The following KCNJ6 variants were observed in gnomAD, a reference collection of about 807,000 sequenced individuals.
The protein encoded by KCNJ6 is potassium inwardly rectifying channel subfamily J member 6.
Under a neutral mutation model 34.2 loss-of-function variants are expected in KCNJ6, and 9 were observed. The ratio of observed to expected loss-of-function variants is 0.26; its 90% CI spans 0.16 to 0.46. The LOEUF is 0.46. Ranked by LOEUF, KCNJ6 falls within the 20% of genes least tolerant of loss-of-function variation. KCNJ6 has a pLI of 1.00. For missense variants in KCNJ6, 236 were observed against 531.3 expected (o/e 0.44, Z 5.46); for synonymous variants, 196 against 207.1 (o/e 0.95, Z 0.46).
rs1238675804 is a variant in KCNJ6 at position 37,624,517 on chromosome 21, C to G, written c.*642G>C. ...TTATTTCTAAAGTTATATATCTAAA[C>G]CTACATTAATGATACATCTATGTAC... is the stretch of plus-strand genomic sequence containing the variant. On this transcript the variant is annotated 3_prime_UTR_variant, in exon 4 of 4. Coordinates refer to ENST00000609713, the MANE Select transcript of KCNJ6 (RefSeq NM_002240.5). 4 of 151,964 alleles carry G rather than the reference C, an allele frequency of 2.6e-5. No individual in the cohort carries two copies. The East Asian group carries it at 7.7e-4, about 29-fold the overall frequency. The allele number at this position is 151,964 out of a possible 1,614,324, so 9.4% of individuals were successfully genotyped here.
intron 1 of KCNJ6, among the ~76,000 whole-genome samples, chr21:37,890,214 C>T (rs776431953): frequency 3.2e-4 from 49 of 152,142 alleles, no homozygotes; most frequent in Non-Finnish European, 5.4e-4. Context: ...CTTCTTCACA[C>T]GGCAACAGGA....
At chr21:37,879,790 G>C (rs576682074) in intron 1 of KCNJ6, among the ~76,000 whole-genome samples, 92 of 151,310 alleles carry the variant, frequency 6.1e-4, no homozygotes, top group African/African-American at 2.2e-3. Context: ...AGAGAGACAT[G>C]CATGTCGGAT....
chr21:37,840,774 C>A (rs2055476452), intron 1 of KCNJ6, 65 bp from the exon 2 acceptor site: 1 of 843,146 alleles, frequency 1.2e-6, no homozygotes, highest in Non-Finnish European at 1.9e-6. Context: ...GATCTAATTG[C>A]CATTTACAGC....
At chr21:37,903,750 A>C (rs1601524526) in intron 1 of KCNJ6, among the ~76,000 whole-genome samples, 3 of 152,298 alleles carry the variant, frequency 2.0e-5, no homozygotes, top group African/African-American at 7.2e-5. Flanking sequence ...AAACAAAAAA[A>C]AACGAAGAAG....
chr21:37,788,513 A>G (rs2055202419), intron 2 of KCNJ6, among the ~76,000 whole-genome samples: 1 of 152,142 alleles, frequency 6.6e-6, no homozygotes, highest in African/African-American at 2.4e-5. Context: ...CATATTTATG[A>G]CCTGTGCAAT....
chr21:37,688,699 G>A (rs938919421), intron 3 of KCNJ6, among the ~76,000 whole-genome samples: 6 of 152,150 alleles, frequency 3.9e-5, no homozygotes, highest in African/African-American at 1.2e-4. Flanking sequence ...GGGGGAGAGG[G>A]GTGCAGATGC....
rs2054255244 is a variant in KCNJ6, at chr21:37,614,486, C to CTGTGTCTGCGTGTGTGTGTATGCATGTG, written c.*10672_*10673insCACATGCATACACACACACGCAGACACA. The CTGTGTCTGCGTGTGTGTGTATGCATGTG allele has an allele frequency of 1.0e-5, 1 of 99,030 alleles. No homozygotes were observed. Among genetic ancestry groups the CTGTGTCTGCGTGTGTGTGTATGCATGTG allele is most frequent in the South Asian group, 3.3e-4 (1 of 3,036 alleles). 6.1% of individuals were successfully genotyped at this position (99,030 alleles called of 1,614,324 possible). A position where few individuals can be genotyped will look rare whatever the true frequency, so the allele number is the denominator to read the frequency against. Reference sequence around the variant, plus strand: ...TCTGCGTGTGTGTGTATGCATGTGTCTGTGTGCGTGTATGCATGTGTCTCT... The same window carrying CTGTGTCTGCGTGTGTGTGTATGCATGTG: ...TCTGCGTGTGTGTGTATGCATGTGTCTGTGTCTGCGTGTGTGTGTATGCATGTGTGTGTGCGTGTATGCATGTGTCTCT... On this transcript the variant is annotated 3_prime_UTR_variant, in exon 4 of 4. Transcript: ENST00000609713.
chr21:37,817,394 G>T (rs974260064), intron 2 of KCNJ6, among the ~76,000 whole-genome samples: 2 of 152,106 alleles, frequency 1.3e-5, no homozygotes, highest in African/African-American at 4.8e-5. Flanking sequence ...GGTTAGAAAG[G>T]CCCCTGATGC....
At chr21:37,783,887 C>T (rs1208711085) in intron 2 of KCNJ6, among the ~76,000 whole-genome samples, 2 of 152,188 alleles carry the variant, frequency 1.3e-5, no homozygotes, top group Admixed American at 1.3e-4. Flanking sequence ...TGTGCACATG[C>T]ACCGAAGAAA....
intron 1 of KCNJ6, among the ~76,000 whole-genome samples, chr21:37,846,183 T>G (rs1344801095): frequency 6.6e-6 from 1 of 152,132 alleles, no homozygotes; most frequent in African/African-American, 2.4e-5. Context: ...CTTGTGGGGG[T>G]GTGTGTGTAA....
intron 2 of KCNJ6, among the ~76,000 whole-genome samples, chr21:37,768,815 C>T (rs1446297764): frequency 2.0e-5 from 3 of 152,162 alleles, no homozygotes; most frequent in Admixed American, 1.3e-4. Flanking sequence ...TCTCTTGGTG[C>T]AAGATGAAAT....
At chr21:37,644,389 AAGG>A (rs1209141553) in intron 3 of KCNJ6, among the ~76,000 whole-genome samples, 3 of 152,248 alleles carry the variant, frequency 2.0e-5, no homozygotes, top group East Asian at 3.8e-4. Context: ...AAGTTAAAAA[AAGG>A]AGAACTTTTA....
At position 37,793,363 on chromosome 21, in the gene KCNJ6, A is replaced by G. The variant is rs545811944; in HGVS notation, c.25+47295T>C. 2.0e-5 allele frequency among the ~76,000 whole-genome samples: 3 copies of G among 152,266 alleles called. No homozygotes were observed. The East Asian group carries it at 5.8e-4, about 29-fold the overall frequency. On this transcript the variant is annotated intron_variant, in intron 2 of 3. Transcript: ENST00000609713. ...CACCATGAGTCACCTCTCTCCCCCA[A>G]AACCCTTCAGCCTTCGGCTGAGATG...
At chr21:37,711,207 C>T (rs561618145) in intron 3 of KCNJ6, among the ~76,000 whole-genome samples, 11 of 152,350 alleles carry the variant, frequency 7.2e-5, no homozygotes, top group Admixed American at 2.0e-4. Context: ...GAGCACCACT[C>T]GCCTGCACCG....
intron 1 of KCNJ6, among the ~76,000 whole-genome samples, chr21:37,872,353 G>A (rs1005136447): frequency 6.6e-6 from 1 of 152,200 alleles, no homozygotes; most frequent in African/African-American, 2.4e-5. Flanking sequence ...GCAAACCTAA[G>A]CAAATCAGTT....
intron 3 of KCNJ6, among the ~76,000 whole-genome samples, chr21:37,633,342 C>A (rs1311782862): frequency 6.6e-6 from 1 of 152,110 alleles, no homozygotes; most frequent in Non-Finnish European, 1.5e-5. Flanking sequence ...AAAATCTAAA[C>A]AATCATTATT....
At chr21:37,769,446 C>G (rs866914918) in intron 2 of KCNJ6, among the ~76,000 whole-genome samples, 1 of 128,318 alleles carries the variant, frequency 7.8e-6, no homozygotes. Flanking sequence ...ATTATTATTA[C>G]TATATTTTTT....
chr21:37,825,656 G>A (rs754786767), intron 2 of KCNJ6, among the ~76,000 whole-genome samples: 4 of 152,042 alleles, frequency 2.6e-5, no homozygotes, highest in African/African-American at 4.8e-5. Context: ...CACTGTATTC[G>A]TCCGTTTCCA....
chr21:37,844,261 C>G (rs552329494), intron 1 of KCNJ6, among the ~76,000 whole-genome samples: 2 of 151,996 alleles, frequency 1.3e-5, no homozygotes, highest in Non-Finnish European at 2.9e-5. Context: ...GGTTTCACCA[C>G]GTTGGCCAGG....
Sources: allele counts gnomAD v4.1 joint callset (sites outside exome capture counted in the v4.1 genomes callset), GRCh38; gene constraint gnomAD v4.1.1; transcripts MANE v1.5; gene names NCBI Gene and HGNC (gene_info 2026-07-23, HGNC 2026-07-21).